The following ANXA4 variants were observed in gnomAD, a reference collection of about 807,000 sequenced individuals.
ANXA4 encodes 35-beta calcimedin.
Under a neutral mutation model 49.8 loss-of-function variants are expected in ANXA4, and 39 were observed. That is an observed-to-expected ratio of 0.78 (90% CI 0.61 to 1.02). The LOEUF is 1.02. ANXA4 is among the 50% of genes least tolerant of loss of function. The pLI, the probability that ANXA4 is intolerant of heterozygous loss-of-function variation, is 0.00. For synonymous variants in ANXA4, 134 were observed against 152.5 expected, an observed-to-expected ratio of 0.88 and a Z score of 0.89; for missense variants, 360 against 410.1, an observed-to-expected ratio of 0.88 and a Z score of 1.05.
At chr2:69,816,302 A>G (rs191248082) in intron 9 of ANXA4, 108 bp downstream of exon 9, 1 of 848,406 alleles carries the variant, frequency 1.2e-6, no homozygotes, top group Admixed American at 2.1e-5. Context: ...CAAAGAACTG[A>G]TTGTACCCAA....
intron 2 of ANXA4, among the ~76,000 whole-genome samples, chr2:69,714,375 T>C (rs1021363581): frequency 6.7e-6 from 1 of 148,792 alleles, no homozygotes; most frequent in African/African-American, 2.5e-5. Flanking sequence ...GGATTTCAAA[T>C]ATAAACGACT....
upstream of ANXA4, among the ~76,000 whole-genome samples, chr2:69,740,855 GTTT>G (rs10718417): frequency 3.0e-5 from 3 of 98,366 alleles, no homozygotes; most frequent in Admixed American, 1.2e-4. Context: ...CTATATATAT[GTTT>G]TTTTTTTTTT....
intron 2 of ANXA4, among the ~76,000 whole-genome samples, chr2:69,688,548 C>T (rs1005433620): frequency 6.6e-6 from 1 of 152,106 alleles, no homozygotes. Flanking sequence ...AGAAATATCC[C>T]CTTTTCAATG....
chr2:69,729,892 C>G (rs1003468565), intron 3 of ANXA4, among the ~76,000 whole-genome samples: 1 of 152,178 alleles, frequency 6.6e-6, no homozygotes, highest in Non-Finnish European at 1.5e-5. Context: ...AAGGCATTGA[C>G]AGTTTGATTC....
rs182072052 is a variant in ANXA4 at position 69,735,867 on chromosome 2, C to T, written n.864+14996C>T. Among the ~76,000 whole-genome samples the T allele has an allele frequency of 3.1e-3, 467 of 152,274 alleles. 6 individuals carry two copies. Among genetic ancestry groups the T allele is most frequent in the Admixed American group, 8.9e-3 (136 of 15,294 alleles). Reference sequence around the variant, plus strand: ...CAACTGGCTACCATGAGACAGCGATCATACTGGAGTGGCCTTGAAGGCTTC... The same window carrying T: ...CAACTGGCTACCATGAGACAGCGATTATACTGGAGTGGCCTTGAAGGCTTC... On this transcript the variant is annotated intron_variant and non_coding_transcript_variant, in intron 3 of 3. Coordinates refer to the ANXA4 transcript ENST00000418066.
chr2:69,816,392 TA>T (rs2103873125), intron 9 of ANXA4, 198 bp downstream of exon 9: 1 of 497,682 alleles, frequency 2.0e-6, no homozygotes, highest in East Asian at 3.2e-5. Flanking sequence ...TAATTATGAA[TA>T]ATTAGAAAAA....
chr2:69,659,942 C>T (rs1051988436), intron 2 of ANXA4, among the ~76,000 whole-genome samples: 3 of 152,100 alleles, frequency 2.0e-5, no homozygotes, highest in African/African-American at 7.2e-5. Flanking sequence ...GCACCTTAGT[C>T]CTGGGCCTGG....
chr2:69,685,576 A>T (rs1054133474), intron 2 of ANXA4, among the ~76,000 whole-genome samples: 36 of 152,328 alleles, frequency 2.4e-4, no homozygotes, highest in African/African-American at 7.7e-4. Flanking sequence ...TTTATAGGCA[A>T]CATGAAGTTA....
rs774896553 is a variant in ANXA4 at position 69,816,180 on chromosome 2, A to G, written c.614A>G (p.Asn205Ser). The change falls in exon 9 of 13, where the codon AAT (asparagine) becomes AGT (serine). Residue 205 changes from asparagine to serine, a missense_variant. Asn to Ser is a conservative substitution (Grantham distance 46, BLOSUM62 1). Transcript: ENST00000394295. ...ACTGTTCTCTGTTCCCGGAACCGAA[A>G]TCACCTGTTGCATGGTAAGGCACTT... ...FLTVLCSRNR[N>S]HLLHVFDEYK... is the part of the protein sequence containing the mutation. 2 of 1,613,976 alleles carry G rather than the reference A, an allele frequency of 1.2e-6. No individual in the cohort carries two copies. Among genetic ancestry groups the G allele is most frequent in the African/African-American group, 1.3e-5 (1 of 74,934 alleles).
At chr2:69,789,900 G>T (rs1342052357) in intron 3 of ANXA4, among the ~76,000 whole-genome samples, 1 of 152,104 alleles carries the variant, frequency 6.6e-6, no homozygotes, top group African/African-American at 2.4e-5. Context: ...ACCCAAGTCT[G>T]TTTTTAGCTC....
chr2:69,665,263 G>A (rs1238093599), intron 2 of ANXA4, among the ~76,000 whole-genome samples: 3 of 152,118 alleles, frequency 2.0e-5, no homozygotes, highest in Admixed American at 6.6e-5. Flanking sequence ...AACAGACCAC[G>A]TTAAAATAGA....
intron 1 of ANXA4, among the ~76,000 whole-genome samples, chr2:69,757,762 T>C (rs1391325143): frequency 6.6e-6 from 1 of 151,296 alleles, no homozygotes; most frequent in Non-Finnish European, 1.5e-5. Flanking sequence ...ATTGAGACCA[T>C]CCTGGGCAAC....
upstream of ANXA4, among the ~76,000 whole-genome samples, chr2:69,740,701 T>A (rs1226465159): frequency 2.2e-5 from 3 of 136,228 alleles, no homozygotes; most frequent in African/African-American, 2.9e-5. Flanking sequence ...TTTTTTTTTT[T>A]AGACAATGTC....
At chr2:69,666,528 T>TA (rs1304290094) in intron 2 of ANXA4, among the ~76,000 whole-genome samples, 11 of 152,164 alleles carry the variant, frequency 7.2e-5, no homozygotes, top group African/African-American at 2.4e-4. Flanking sequence ...CAAAAAAACT[T>TA]ATACACAAAT....
intron 2 of ANXA4, among the ~76,000 whole-genome samples, chr2:69,671,839 T>A (rs566983999): frequency 6.6e-6 from 1 of 152,310 alleles, no homozygotes; most frequent in East Asian, 1.9e-4. Flanking sequence ...ATGCTATCAC[T>A]GCTAAAGAGT....
At chr2:69,739,718 C>A (rs1670337226), upstream of ANXA4, among the ~76,000 whole-genome samples, 1 of 152,044 alleles carries the variant, frequency 6.6e-6, no homozygotes, top group Non-Finnish European at 1.5e-5. Context: ...GCCACAGCAC[C>A]CAGCCCTATC....
At position 69,726,455 on chromosome 2, in the gene ANXA4, A is replaced by C. The variant is rs186617241; in HGVS notation, n.864+5584A>C. On this transcript the variant is annotated intron_variant and non_coding_transcript_variant, in intron 3 of 3. Coordinates refer to the ANXA4 transcript ENST00000418066. ...TTTAACTCATTTGTCAGCTTACACT[A>C]GCTGTGTCTTTATTACTATGCTAGA... 2.0e-5 allele frequency among the ~76,000 whole-genome samples: 3 copies of C among 152,354 alleles called. No homozygotes were observed. In the East Asian group the frequency reaches 5.8e-4, roughly 29 times the overall value.
At chr2:69,714,610 C>G (rs1174818872) in intron 2 of ANXA4, among the ~76,000 whole-genome samples, 4 of 152,192 alleles carry the variant, frequency 2.6e-5, no homozygotes, top group African/African-American at 9.7e-5. Flanking sequence ...GTGTTGTCCC[C>G]ACAGCTCCTA....
At position 69,812,195 on chromosome 2, in the gene ANXA4, G is replaced by C. The variant is rs1012283695; in HGVS notation, c.478-458G>C. ...CCAGCTCTTCACAGGTGCCATCTTA[G>C]CTCACTGCCTTGAACTCCTGGCCTC... is the stretch of plus-strand genomic sequence containing the variant. On this transcript the variant is annotated intron_variant, in intron 7 of 12. Transcript: ENST00000394295. Among the ~76,000 whole-genome samples, 14 of 149,862 alleles carry C rather than the reference G, an allele frequency of 9.3e-5. 1 individual carries two copies. The South Asian group carries it at 2.5e-3, about 27-fold the overall frequency.
Sources: gnomAD v4.1 joint callset for allele counts (sites outside exome capture counted in the v4.1 genomes callset) on GRCh38, gnomAD v4.1.1 for gene constraint, MANE v1.5 for transcripts, NCBI Gene and HGNC (gene_info 2026-07-23, HGNC 2026-07-21) for gene names.